The following PTPRD variants were observed in gnomAD, a reference collection of about 807,000 sequenced individuals.
The protein encoded by PTPRD is receptor-type tyrosine-protein phosphatase delta.
A neutral mutation model predicts 214.5 loss-of-function variants in PTPRD; 34 were observed. That is an observed-to-expected ratio of 0.16 (90% CI 0.12 to 0.21). The LOEUF is 0.21. Ranked by LOEUF, PTPRD falls within the 10% of genes least tolerant of loss-of-function variation. The pLI, the probability that PTPRD is intolerant of heterozygous loss-of-function variation, is 1.00. For missense variants in PTPRD, 2,545 were observed against 2,398.7 expected (o/e 1.06, Z -1.27); for synonymous variants, 1,128 against 845.7 (o/e 1.33, Z -5.79).
intron 2 of PTPRD, among the ~76,000 whole-genome samples, chr9:10,578,384 G>C (rs186771438): frequency 1.3e-5 from 2 of 152,118 alleles, no homozygotes; most frequent in Non-Finnish European, 1.5e-5. Flanking sequence ...TATCTGAATA[G>C]TTATGTTCAG....
chr9:8,420,403 AT>A (rs1030345032), intron 35 of PTPRD, among the ~76,000 whole-genome samples: 3 of 152,048 alleles, frequency 2.0e-5, no homozygotes, highest in African/African-American at 7.2e-5. Context: ...TTATTTTTAA[AT>A]TTTTTGTAGC....
At chr9:8,756,849 C>T (rs893967199) in intron 11 of PTPRD, among the ~76,000 whole-genome samples, 5 of 151,990 alleles carry the variant, frequency 3.3e-5, no homozygotes, top group African/African-American at 7.2e-5. Flanking sequence ...TCCAAAGAAT[C>T]TATAAACCAG....
At chr9:8,621,290 T>C (rs2095814426) in intron 14 of PTPRD, among the ~76,000 whole-genome samples, 1 of 152,002 alleles carries the variant, frequency 6.6e-6, no homozygotes, top group African/African-American at 2.4e-5. Context: ...GCGTGGTCCC[T>C]GAGCTTAATC....
intron 11 of PTPRD, among the ~76,000 whole-genome samples, chr9:8,779,486 T>C (rs12343337): frequency 0.11 from 17,021 of 152,154 alleles, 1,003 homozygotes; most frequent in Non-Finnish European, 0.13. Context: ...AATTTTATCC[T>C]TCCAATTATT....
chr9:8,329,413 G>A (rs1375152116), intron 44 of PTPRD, among the ~76,000 whole-genome samples: 2 of 152,118 alleles, frequency 1.3e-5, no homozygotes, highest in African/African-American at 4.8e-5. Context: ...GCACCTGCCA[G>A]ATGCCAGCCA....
intron 10 of PTPRD, among the ~76,000 whole-genome samples, chr9:9,041,369 C>G (rs769082309): frequency 2.0e-5 from 3 of 152,090 alleles, no homozygotes; most frequent in Non-Finnish European, 2.9e-5. Flanking sequence ...TCTTTCCACC[C>G]TCCACGCTCT....
chr9:8,521,221 T>C (rs2138838709), intron 20 of PTPRD, 56 bp downstream of exon 20: 3 of 1,546,382 alleles, frequency 1.9e-6, no homozygotes, highest in Non-Finnish European at 2.6e-6. Flanking sequence ...TCTAGAGGCA[T>C]TAGTCACTTG....
At chr9:9,458,323 CAAG>C (rs1036191712) in intron 8 of PTPRD, among the ~76,000 whole-genome samples, 15 of 151,788 alleles carry the variant, frequency 9.9e-5, no homozygotes, top group Admixed American at 6.6e-5. Flanking sequence ...CTGTATCTGT[CAAG>C]AAGAAATCCA....
At chr9:8,636,997 C>T (rs1595798668) in intron 12 of PTPRD, among the ~76,000 whole-genome samples, 153 bp from the exon 13 acceptor site, 2 of 152,206 alleles carry the variant, frequency 1.3e-5, no homozygotes, top group East Asian at 1.9e-4. Flanking sequence ...AGAAAAGCAT[C>T]TTTTACTTTT....
chr9:9,159,293 A>C (rs1414140125), intron 10 of PTPRD, among the ~76,000 whole-genome samples: 1 of 152,150 alleles, frequency 6.6e-6, no homozygotes, highest in Non-Finnish European at 1.5e-5. Flanking sequence ...AAAATAGAGA[A>C]ATAGCAAATA....
intron 27 of PTPRD, among the ~76,000 whole-genome samples, chr9:8,487,057 C>G (rs1197508829): frequency 6.6e-6 from 1 of 152,042 alleles, no homozygotes; most frequent in African/African-American, 2.4e-5. Context: ...TTTGCACTTT[C>G]TAACTTTACT....
chr9:8,673,992 C>T (rs1034036082), intron 12 of PTPRD, among the ~76,000 whole-genome samples: 2 of 152,154 alleles, frequency 1.3e-5, no homozygotes, highest in Non-Finnish European at 2.9e-5. Context: ...TGGGAAACAA[C>T]TTCCCCACCA....
At chr9:9,472,762 G>A (rs1004428362) in intron 8 of PTPRD, among the ~76,000 whole-genome samples, 3 of 151,794 alleles carry the variant, frequency 2.0e-5, no homozygotes, top group Non-Finnish European at 2.9e-5. Context: ...TCCCTTAATC[G>A]GCATAAAATC....
intron 30 of PTPRD, among the ~76,000 whole-genome samples, chr9:8,475,151 T>G (rs998742269): frequency 5.3e-5 from 8 of 152,136 alleles, no homozygotes; most frequent in Non-Finnish European, 1.5e-5. Flanking sequence ...CCCAGCTGAC[T>G]AGGCTTTAGC....
intron 12 of PTPRD, among the ~76,000 whole-genome samples, chr9:8,650,528 CAAA>C (rs35887411): frequency 1.7e-4 from 18 of 104,274 alleles, no homozygotes; most frequent in East Asian, 5.5e-4. Flanking sequence ...ACTCCGCCTC[CAAA>C]AAAAAAAAAA....
At position 9,986,143 on chromosome 9, in the gene PTPRD, C is replaced by T. The variant is rs114236052; in HGVS notation, c.-471-47533G>A. Reference sequence around the variant, plus strand: ...TGTTAGCTGGTTGGGGAGAACAAGCCTTCTTTTACACTGCTGAGATATAAA... The same window carrying T: ...TGTTAGCTGGTTGGGGAGAACAAGCTTTCTTTTACACTGCTGAGATATAAA... On this transcript the variant is annotated intron_variant, in intron 4 of 45. Transcript: ENST00000381196. 8.3e-3 allele frequency among the ~76,000 whole-genome samples: 1,261 copies of T among 152,202 alleles called. 17 individuals carry two copies. The highest frequency in any genetic ancestry group is 0.028 in the African/African-American group (1,170 of 41,550).
intron 21 of PTPRD, among the ~76,000 whole-genome samples, chr9:8,508,244 T>C (rs371272958): frequency 5.3e-5 from 8 of 152,204 alleles, no homozygotes; most frequent in African/African-American, 1.9e-4. Context: ...AAGAGCTGTT[T>C]ATCAGCTGTA....
rs142498463 is a variant in PTPRD, at chr9:8,892,671, G to A, written c.-104+126026C>T. ...TGTATATATATGAGTGTATATATAT[G>A]TGTATATATATATGAGTGTATATAT... On this transcript the variant is annotated intron_variant, in intron 11 of 45. Transcript: ENST00000381196. 1.5e-4 allele frequency among the ~76,000 whole-genome samples: 18 copies of A among 123,552 alleles called. 2 individuals carry two copies. In the East Asian group the frequency reaches 4.1e-3, roughly 28 times the overall value. The allele number at this position is 123,552 out of a possible 152,430, so 81.1% of individuals were successfully genotyped here. A position where few individuals can be genotyped will look rare whatever the true frequency, so the allele number is the denominator to read the frequency against.
chr9:10,476,926 C>T (rs960638138), intron 2 of PTPRD, among the ~76,000 whole-genome samples: 5 of 152,078 alleles, frequency 3.3e-5, no homozygotes, highest in Non-Finnish European at 7.4e-5. Context: ...AAAAACAAGG[C>T]TAGCCATATC....
Sources: gnomAD v4.1 joint callset for allele counts (sites outside exome capture counted in the v4.1 genomes callset) on GRCh38, gnomAD v4.1.1 for gene constraint, MANE v1.5 for transcripts, NCBI Gene and HGNC (gene_info 2026-07-23, HGNC 2026-07-21) for gene names.